Variants in ZBTB7C observed in about 807,000 individuals in gnomAD.
ZBTB7C encodes zinc finger and BTB domain containing 7C, also known as zinc finger and BTB domain-containing protein 7C.
Under a neutral mutation model 25.7 loss-of-function variants are expected in ZBTB7C, and 8 were observed. The observed-to-expected ratio is 0.31, with a 90% CI of 0.18 to 0.56. The LOEUF (loss-of-function observed/expected upper bound fraction) is 0.56. ZBTB7C is among the 20% of genes least tolerant of loss of function. The pLI is 0.91. For synonymous variants in ZBTB7C, 394 were observed against 369.0 expected, an observed-to-expected ratio of 1.07 and a Z score of -0.78; for missense variants, 824 against 855.2, an observed-to-expected ratio of 0.96 and a Z score of 0.46.
At chr18:48,098,757 G>A (rs1337798987) in intron 3 of ZBTB7C, among the ~76,000 whole-genome samples, 3 of 151,890 alleles carry the variant, frequency 2.0e-5, no homozygotes, top group Non-Finnish European at 4.4e-5. Flanking sequence ...ATGTGACATA[G>A]GACAGCCAAT....
chr18:48,164,759 G>A (rs142189528), intron 3 of ZBTB7C, among the ~76,000 whole-genome samples: 4,280 of 152,176 alleles, frequency 0.028, 69 homozygotes, highest in Middle Eastern at 0.075. Flanking sequence ...CTTAACCACT[G>A]TAAGTGCTGT....
chr18:48,265,766 A>G lies in ZBTB7C; in HGVS notation c.-79+72408T>C, dbSNP rs185856636. On this transcript the variant is annotated intron_variant, in intron 2 of 4. Coordinates refer to ENST00000590800, the MANE Select transcript of ZBTB7C (RefSeq NM_001318841.2). ...GCCTGTATTCAACAAAATAGCATTCAGTCCATGGGAGACAGGGAAAGACTG... is the reference window on the plus strand; with the variant it reads ...GCCTGTATTCAACAAAATAGCATTCGGTCCATGGGAGACAGGGAAAGACTG... Among the ~76,000 whole-genome samples the G allele has an allele frequency of 7.7e-4, 117 of 152,364 alleles. 5 individuals are homozygous for G. In the East Asian group the frequency reaches 0.01, roughly 13 times the overall value.
At chr18:48,328,408 T>G (rs2046273024) in intron 2 of ZBTB7C, among the ~76,000 whole-genome samples, 1 of 152,140 alleles carries the variant, frequency 6.6e-6, no homozygotes, top group African/African-American at 2.4e-5. Flanking sequence ...GTTCCTTCAC[T>G]CTCTCATAGA....
intron 1 of ZBTB7C, chr18:48,346,587 G>A (rs979229743): frequency 1.3e-5 from 2 of 152,256 alleles, no homozygotes; most frequent in African/African-American, 2.4e-5. Context: ...TTCTGGATAG[G>A]AGAGGTTGCT....
chr18:48,203,137 A>G (rs2042495849), intron 2 of ZBTB7C, among the ~76,000 whole-genome samples: 1 of 152,128 alleles, frequency 6.6e-6, no homozygotes, highest in Non-Finnish European at 1.5e-5. Context: ...CTCTGCCATG[A>G]GAGTCTTCCC....
upstream of ZBTB7C, chr18:48,409,395 G>A (rs910074090): frequency 6.8e-6 from 1 of 147,012 alleles, no homozygotes; most frequent in Non-Finnish European, 1.5e-5. Flanking sequence ...GAGCTGAGCG[G>A]CGGCAGCGGG....
chr18:48,241,169 T>C (rs1050660763), intron 2 of ZBTB7C, among the ~76,000 whole-genome samples: 1 of 152,168 alleles, frequency 6.6e-6, no homozygotes, highest in African/African-American at 2.4e-5. Context: ...TAAATATATA[T>C]GCACCTAACA....
Position 48,204,495 on chromosome 18 carries a change from A to G in ZBTB7C, c.-78-18500T>C, listed in dbSNP as rs549472496. 1.2e-4 allele frequency among the ~76,000 whole-genome samples: 18 copies of G among 152,316 alleles called. No individual in the cohort carries two copies. In the East Asian group the frequency reaches 3.5e-3, roughly 29 times the overall value. On this transcript the variant is annotated intron_variant, in intron 2 of 4. Transcript: ENST00000590800. ...AGGCCCATGCAGGAAGGGAAGGTAC[A>G]GGTTGGAAAGCCTGATAGCTTTCCT...
chr18:48,186,169 C>G (rs192065559), intron 2 of ZBTB7C, among the ~76,000 whole-genome samples, 174 bp from the exon 3 acceptor site: 2 of 152,330 alleles, frequency 1.3e-5, no homozygotes, highest in Non-Finnish European at 2.9e-5. Context: ...TCGCTCCTCG[C>G]AGGATTCCAC....
At chr18:48,185,051 A>G (rs575271645) in intron 3 of ZBTB7C, among the ~76,000 whole-genome samples, 1 of 152,238 alleles carries the variant, frequency 6.6e-6, no homozygotes, top group African/African-American at 2.4e-5. Flanking sequence ...TTCCATCCTG[A>G]TTCTTTGCAT....
At chr18:48,368,249 A>AT (rs991980303) in intron 1 of ZBTB7C, among the ~76,000 whole-genome samples, 1 of 151,888 alleles carries the variant, frequency 6.6e-6, no homozygotes, top group African/African-American at 2.4e-5. Flanking sequence ...TAGCAAAAAA[A>AT]AAAAAAAAAT....
At chr18:48,107,847 T>A (rs1290389157) in intron 3 of ZBTB7C, among the ~76,000 whole-genome samples, 1 of 152,108 alleles carries the variant, frequency 6.6e-6, no homozygotes, top group African/African-American at 2.4e-5. Flanking sequence ...TGAGGGCAGG[T>A]TACCCAGAAC....
At chr18:48,334,207 C>A (rs1271698138) in intron 2 of ZBTB7C, among the ~76,000 whole-genome samples, 1 of 152,256 alleles carries the variant, frequency 6.6e-6, no homozygotes, top group South Asian at 2.1e-4. Flanking sequence ...AGAGACCCCC[C>A]ACACACAACA....
At chr18:48,370,298 G>A (rs2047357050) in intron 1 of ZBTB7C, among the ~76,000 whole-genome samples, 1 of 152,052 alleles carries the variant, frequency 6.6e-6, no homozygotes, top group South Asian at 2.1e-4. Context: ...GAATTATGCT[G>A]AGTGAAAAAA....
intron 1 of ZBTB7C, among the ~76,000 whole-genome samples, chr18:48,403,539 C>G (rs1369734346): frequency 6.6e-6 from 1 of 152,242 alleles, no homozygotes; most frequent in Non-Finnish European, 1.5e-5. Flanking sequence ...GCCTAGCACA[C>G]AGCAGTGTCT....
intron 3 of ZBTB7C, chr18:48,041,383 G>A: frequency 1.0e-6 from 1 of 985,462 alleles, no homozygotes; most frequent in African/African-American, 1.7e-5. Flanking sequence ...ACCAAAGGCT[G>A]CAAGCCTTCT....
At chr18:48,387,192 T>C (rs2047768064) in intron 1 of ZBTB7C, among the ~76,000 whole-genome samples, 1 of 152,148 alleles carries the variant, frequency 6.6e-6, no homozygotes, top group East Asian at 1.9e-4. Flanking sequence ...GCAGAGACAA[T>C]GAGACTACAG....
chr18:48,081,240 G>C (rs2037969670), intron 3 of ZBTB7C, among the ~76,000 whole-genome samples: 1 of 152,146 alleles, frequency 6.6e-6, no homozygotes, highest in Admixed American at 6.5e-5. Flanking sequence ...GCTTAGCATA[G>C]CTTGGATCCT....
intron 2 of ZBTB7C, among the ~76,000 whole-genome samples, chr18:48,313,917 T>C (rs2045883040): frequency 6.6e-6 from 1 of 152,192 alleles, no homozygotes; most frequent in African/African-American, 2.4e-5. Flanking sequence ...GAGTGAGTTC[T>C]CACTCAGTTC....
Sources: gnomAD v4.1 joint callset for allele counts (sites outside exome capture counted in the v4.1 genomes callset) on GRCh38, gnomAD v4.1.1 for gene constraint, MANE v1.5 for transcripts, NCBI Gene and HGNC (gene_info 2026-07-23, HGNC 2026-07-21) for gene names.